SNCAIP: variants seen among roughly 807,000 people sequenced by gnomAD.
The protein encoded by SNCAIP is synuclein alpha interacting protein.
Under a neutral mutation model 86.7 loss-of-function variants are expected in SNCAIP, and 43 were observed. The observed-to-expected ratio is 0.50, with a 90% CI of 0.39 to 0.64. The LOEUF (loss-of-function observed/expected upper bound fraction) is 0.64. SNCAIP is among the 30% of genes least tolerant of loss of function. The probability of loss-of-function intolerance (pLI) is 0.00; values close to 1 mark genes in which losing one functional copy is unlikely to be tolerated. For missense variants in SNCAIP, 981 were observed against 1,103.1 expected (o/e 0.89, Z 1.57); for synonymous variants, 417 against 427.2 (o/e 0.98, Z 0.29).
At chr5:122,392,574 T>G (rs1385309936) in intron 2 of SNCAIP, among the ~76,000 whole-genome samples, 1 of 152,176 alleles carries the variant, frequency 6.6e-6, no homozygotes, top group African/African-American at 2.4e-5. Context: ...GAAGGTGTTG[T>G]AGAAAGGGAA....
At chr5:122,438,946 G>C (rs144369625) in intron 6 of SNCAIP, among the ~76,000 whole-genome samples, 1 of 152,148 alleles carries the variant, frequency 6.6e-6, no homozygotes, top group Admixed American at 6.5e-5. Flanking sequence ...CTATCCTCTT[G>C]CAGCCTCCAT....
intron 1 of SNCAIP, among the ~76,000 whole-genome samples, chr5:122,341,506 G>A (rs935464267): frequency 1.2e-4 from 18 of 152,104 alleles, no homozygotes; most frequent in Admixed American, 2.6e-4. Context: ...CTGTTTTAGC[G>A]TATTAAAAAG....
chr5:122,331,025 C>T (rs1755232318), intron 1 of SNCAIP, among the ~76,000 whole-genome samples: 2 of 152,054 alleles, frequency 1.3e-5, no homozygotes, highest in African/African-American at 2.4e-5. Context: ...CAATAGGATT[C>T]ATGCTCCTAT....
At chr5:122,337,771 C>T (rs1040284868) in intron 1 of SNCAIP, among the ~76,000 whole-genome samples, 9 of 152,176 alleles carry the variant, frequency 5.9e-5, no homozygotes, top group African/African-American at 2.2e-4. Context: ...AACTCCTGAC[C>T]TCAGGTGATG....
intron 1 of SNCAIP, among the ~76,000 whole-genome samples, chr5:122,359,151 C>T (rs1761698258): frequency 6.6e-6 from 1 of 151,792 alleles, no homozygotes; most frequent in South Asian, 2.1e-4. Flanking sequence ...AGAATTCTGT[C>T]AGAAATAATA....
At chr5:122,382,527 C>G (rs934258666) in intron 1 of SNCAIP, among the ~76,000 whole-genome samples, 3 of 152,210 alleles carry the variant, frequency 2.0e-5, no homozygotes, top group African/African-American at 7.2e-5. Context: ...TCGTCTGAAG[C>G]CTTCTTCTCT....
chr5:122,412,049 C>T (rs886566028), intron 3 of SNCAIP, among the ~76,000 whole-genome samples: 3 of 152,194 alleles, frequency 2.0e-5, no homozygotes, highest in South Asian at 2.1e-4. Flanking sequence ...CTTCCTCGCA[C>T]GCCTCCTGCC....
intron 1 of SNCAIP, among the ~76,000 whole-genome samples, chr5:122,327,123 TAA>T (rs1754267976): frequency 6.6e-6 from 1 of 152,090 alleles, no homozygotes. Flanking sequence ...TCAAGTGAAA[TAA>T]AGTCCAATTT....
chr5:122,319,152 G>C (rs1752433214), intron 1 of SNCAIP, among the ~76,000 whole-genome samples: 1 of 150,340 alleles, frequency 6.7e-6, no homozygotes, highest in Admixed American at 6.6e-5. Context: ...TTTTGTTGTT[G>C]TTGTTTTTAT....
intron 2 of SNCAIP, among the ~76,000 whole-genome samples, chr5:122,393,670 C>T (rs898275825): frequency 2.0e-5 from 3 of 152,140 alleles, no homozygotes; most frequent in Non-Finnish European, 4.4e-5. Flanking sequence ...TCCTGCAATG[C>T]ACAGCACAAT....
chr5:122,323,842 A>G (rs1366028895), intron 1 of SNCAIP, among the ~76,000 whole-genome samples: 1 of 152,056 alleles, frequency 6.6e-6, no homozygotes, highest in Non-Finnish European at 1.5e-5. Flanking sequence ...TAGGAAACCA[A>G]CTCTGCTTTA....
chr5:122,407,274 C>T, intron 3 of SNCAIP, among the ~76,000 whole-genome samples: 1 of 152,144 alleles, frequency 6.6e-6, no homozygotes, highest in East Asian at 1.9e-4. Flanking sequence ...ACGAGAAAAC[C>T]AGCAAAGAGT....
At chr5:122,380,423 TTCTC>T (rs990362888) in intron 1 of SNCAIP, among the ~76,000 whole-genome samples, 5 of 151,814 alleles carry the variant, frequency 3.3e-5, no homozygotes, top group African/African-American at 7.3e-5. Flanking sequence ...TATTTGATTC[TTCTC>T]TCTTTTTTTC....
intron 2 of SNCAIP, among the ~76,000 whole-genome samples, chr5:122,402,014 G>C (rs1027965104): frequency 6.6e-6 from 1 of 151,774 alleles, no homozygotes; most frequent in Admixed American, 6.6e-5. Context: ...ACAAACCTTA[G>C]TGAATTTTTC....
chr5:122,435,866 G>T (rs1227613458), intron 6 of SNCAIP, among the ~76,000 whole-genome samples: 1 of 152,156 alleles, frequency 6.6e-6, no homozygotes, highest in African/African-American at 2.4e-5. Context: ...TACTGAAAGT[G>T]CTGCGATCAC....
chr5:122,425,660 T>C (rs892961679), intron 5 of SNCAIP, 129 bp downstream of exon 5: 2 of 762,686 alleles, frequency 2.6e-6, no homozygotes, highest in African/African-American at 1.7e-5. Flanking sequence ...AATGAACATA[T>C]TGCATTTAAG....
rs763606466 is a variant in SNCAIP at position 122,391,144 on chromosome 5, C to A, written c.10C>A (p.Pro4Thr). 3 of 1,610,136 alleles carry A rather than the reference C, an allele frequency of 1.9e-6. No homozygotes were observed. The highest frequency in any genetic ancestry group is 8.5e-7 in the Non-Finnish European group (1 of 1,176,494). ...TGTGCAAGGAAGAATAATGGAAGCC[C>A]CTGAATACCTTGATTTGGATGAAAT... MEA[P>T]EYLDLDEIDF... is the part of the protein sequence containing the mutation. Residue 4 changes from proline to threonine, a missense_variant, in exon 2 of 11, where the codon CCT becomes ACT. Physicochemically the swap from Pro to Thr is conservative, Grantham distance 38 (BLOSUM62 -1). Coordinates refer to ENST00000261368, the MANE Select transcript of SNCAIP (RefSeq NM_005460.4).
intron 1 of SNCAIP, among the ~76,000 whole-genome samples, chr5:122,313,270 G>A (rs1271793707): frequency 1.3e-5 from 2 of 152,222 alleles, no homozygotes; most frequent in Non-Finnish European, 2.9e-5. Context: ...CCTCTTGGCT[G>A]TTACTGACAA....
intron 7 of SNCAIP, 106 bp downstream of exon 7, chr5:122,440,860 G>A (rs1581276691): frequency 9.4e-7 from 1 of 1,063,076 alleles, no homozygotes; most frequent in East Asian, 2.5e-5. Context: ...TTCACCTTTT[G>A]TATGGTCGTA....
Sources: gnomAD v4.1 joint callset for allele counts (sites outside exome capture counted in the v4.1 genomes callset) on GRCh38, gnomAD v4.1.1 for gene constraint, MANE v1.5 for transcripts, NCBI Gene and HGNC (gene_info 2026-07-23, HGNC 2026-07-21) for gene names.